The following SLC35F2 variants were observed in gnomAD, a reference collection of about 807,000 sequenced individuals.
SLC35F2 encodes the protein solute carrier family 35 member F2.
A neutral mutation model predicts 38.1 loss-of-function variants in SLC35F2; 25 were observed. The observed-to-expected ratio is 0.66, with a 90% CI of 0.48 to 0.92. SLC35F2 has a LOEUF of 0.92. Among genes scored for constraint, SLC35F2 ranks in the 40% least tolerant of loss-of-function variants. The pLI is 0.00. For synonymous variants in SLC35F2, 173 were observed against 181.7 expected (o/e 0.95, Z 0.38); for missense variants, 409 against 452.9 (o/e 0.90, Z 0.88).
intron 7 of SLC35F2, among the ~76,000 whole-genome samples, chr11:107,800,787 T>C (rs1359830784): frequency 6.6e-6 from 1 of 152,134 alleles, no homozygotes; most frequent in Non-Finnish European, 1.5e-5. Context: ...GGTTTTACCA[T>C]GTTGTCCAGG....
At chr11:107,853,748 A>G (rs1860230736) in intron 1 of SLC35F2, among the ~76,000 whole-genome samples, 1 of 149,372 alleles carries the variant, frequency 6.7e-6, no homozygotes, top group African/African-American at 2.4e-5. Context: ...AAAAGAAAGA[A>G]TCAATGAATA....
chr11:107,853,256 T>C (rs116087651), intron 1 of SLC35F2, among the ~76,000 whole-genome samples: 3 of 152,314 alleles, frequency 2.0e-5, no homozygotes, highest in African/African-American at 7.2e-5. Flanking sequence ...TCTGCCCTTT[T>C]TTGTGCCATT....
intron 3 of SLC35F2, chr11:107,810,876 G>T: frequency 1.0e-6 from 1 of 980,878 alleles, no homozygotes; most frequent in Non-Finnish European, 1.2e-6. Context: ...GAACATCTCT[G>T]TATTTTGTAT....
At chr11:107,796,657 A>T (rs1470039570) in intron 7 of SLC35F2, among the ~76,000 whole-genome samples, 2 of 151,592 alleles carry the variant, frequency 1.3e-5, no homozygotes, top group African/African-American at 4.9e-5. Context: ...AGATAAAGAG[A>T]GGTTAGGTTT....
intron 7 of SLC35F2, among the ~76,000 whole-genome samples, chr11:107,800,842 C>T (rs1482082161): frequency 6.6e-6 from 1 of 151,248 alleles, no homozygotes; most frequent in African/African-American, 2.4e-5. Flanking sequence ...AAGTATAATC[C>T]AAAATCCTTG....
At chr11:107,831,930 TCTCA>T (rs1859849069) in intron 1 of SLC35F2, among the ~76,000 whole-genome samples, 1 of 152,196 alleles carries the variant, frequency 6.6e-6, no homozygotes, top group South Asian at 2.1e-4. Context: ...AAAACCACAG[TCTCA>T]CTATTTAATG....
chr11:107,849,795 G>T (rs999411530), intron 1 of SLC35F2, among the ~76,000 whole-genome samples: 1 of 152,132 alleles, frequency 6.6e-6, no homozygotes, highest in African/African-American at 2.4e-5. Flanking sequence ...CCCAAAGGTT[G>T]TCTAGAACTG....
intron 6 of SLC35F2, 115 bp from the exon 7 acceptor site, chr11:107,803,270 G>A (rs1366087987): frequency 7.6e-7 from 1 of 1,319,868 alleles, no homozygotes; most frequent in African/African-American, 1.5e-5. Flanking sequence ...TATGTACAAA[G>A]CCCCTTGTTA....
rs528737591 is a variant in SLC35F2, at chr11:107,824,349, T to C, written c.111-8384A>G. Among the ~76,000 whole-genome samples, 14 of 152,296 alleles carry C rather than the reference T, an allele frequency of 9.2e-5. No homozygotes were observed. In the South Asian group the frequency reaches 2.9e-3, roughly 32 times the overall value. ...TCATGTTAAAATGCAAGGCAGACAATACTGTAGACAAGAGGCCCTCAAAAG... is the reference window on the plus strand; with the variant it reads ...TCATGTTAAAATGCAAGGCAGACAACACTGTAGACAAGAGGCCCTCAAAAG... On this transcript the variant is annotated intron_variant, in intron 1 of 7. Coordinates refer to ENST00000525815, the MANE Select transcript of SLC35F2 (RefSeq NM_017515.5).
intron 1 of SLC35F2, among the ~76,000 whole-genome samples, chr11:107,819,814 C>T (rs1428368559): frequency 6.6e-6 from 1 of 152,148 alleles, no homozygotes; most frequent in African/African-American, 2.4e-5. Flanking sequence ...ATCTCAATAA[C>T]ATGATCCTGA....
intron 7 of SLC35F2, among the ~76,000 whole-genome samples, chr11:107,793,159 C>T (rs961255155): frequency 3.9e-5 from 6 of 152,192 alleles, no homozygotes; most frequent in Non-Finnish European, 7.4e-5. Context: ...TCAAGCAATC[C>T]GCCCGCCTCA....
At chr11:107,822,091 A>G (rs1409467796) in intron 1 of SLC35F2, among the ~76,000 whole-genome samples, 1 of 152,184 alleles carries the variant, frequency 6.6e-6, no homozygotes, top group Non-Finnish European at 1.5e-5. Flanking sequence ...AATACAAAAA[A>G]AATTAACTGG....
At chr11:107,828,725 C>T (rs1007517573) in intron 1 of SLC35F2, among the ~76,000 whole-genome samples, 1 of 150,566 alleles carries the variant, frequency 6.6e-6, no homozygotes, top group Non-Finnish European at 1.5e-5. Context: ...ACATCAATAG[C>T]TCCTAACAAC....
intron 1 of SLC35F2, among the ~76,000 whole-genome samples, chr11:107,818,068 AAAAAAAAGAAAGAAAGAAAGAAAG>A (rs1859606227): frequency 9.8e-6 from 1 of 101,540 alleles, no homozygotes; most frequent in Non-Finnish European, 2.0e-5. Context: ...AAAAAAAAAA[AAAAAAAAGAAAGAAAGAAAGAAAG>A]AAAGAAAGAA....
intron 1 of SLC35F2, among the ~76,000 whole-genome samples, chr11:107,855,114 G>A (rs1860255586): frequency 6.6e-6 from 1 of 152,170 alleles, no homozygotes; most frequent in Non-Finnish European, 1.5e-5. Context: ...CAAGTGCTTG[G>A]ATGGCTGCCA....
At chr11:107,821,709 T>G in intron 1 of SLC35F2, 1 of 777,918 alleles carries the variant, frequency 1.3e-6, no homozygotes, top group Non-Finnish European at 1.6e-6. Context: ...ATATATCCTG[T>G]CCCGGTTTTA....
At chr11:107,838,627 C>CTT (rs71047631) in intron 1 of SLC35F2, among the ~76,000 whole-genome samples, 22 of 108,656 alleles carry the variant, frequency 2.0e-4, no homozygotes, top group Admixed American at 3.1e-4. Flanking sequence ...GCCCGGCCCT[C>CTT]TTTTTTTTTT....
intron 1 of SLC35F2, among the ~76,000 whole-genome samples, chr11:107,842,944 G>A (rs150213106): frequency 2.0e-3 from 303 of 152,244 alleles, no homozygotes; most frequent in Non-Finnish European, 3.3e-3. Flanking sequence ...ATAAAGTGTG[G>A]TATATTCACA....
intron 1 of SLC35F2, among the ~76,000 whole-genome samples, chr11:107,846,801 G>C (rs1440693160): frequency 6.6e-6 from 1 of 151,882 alleles, no homozygotes; most frequent in Non-Finnish European, 1.5e-5. Context: ...ATGGTGGCGG[G>C]CGCCTGTAAT....
Sources: gnomAD v4.1 joint callset for allele counts (sites outside exome capture counted in the v4.1 genomes callset) on GRCh38, gnomAD v4.1.1 for gene constraint, MANE v1.5 for transcripts, NCBI Gene and HGNC (gene_info 2026-07-23, HGNC 2026-07-21) for gene names.